Variants in TLE4 observed in about 807,000 individuals in gnomAD.
TLE4 encodes the protein transducin-like enhancer protein 4.
A neutral mutation model predicts 92.8 loss-of-function variants in TLE4; 8 were observed. The ratio of observed to expected loss-of-function variants is 0.09; its 90% CI spans 0.05 to 0.16. TLE4 has a LOEUF of 0.16. TLE4 is among the 10% of genes least tolerant of loss of function. TLE4 has a pLI of 1.00. For synonymous variants in TLE4, 371 were observed against 374.1 expected, an observed-to-expected ratio of 0.99 and a Z score of 0.10; for missense variants, 675 against 997.6, an observed-to-expected ratio of 0.68 and a Z score of 4.36.
At chr9:79,672,751 C>T (rs1477141365) in intron 8 of TLE4, among the ~76,000 whole-genome samples, 2 of 152,098 alleles carry the variant, frequency 1.3e-5, no homozygotes, top group Non-Finnish European at 1.5e-5. Flanking sequence ...TCACATTTCT[C>T]TGTTTATCAG....
intron 8 of TLE4, among the ~76,000 whole-genome samples, chr9:79,695,535 C>G (rs2068042392): frequency 6.6e-6 from 1 of 152,068 alleles, no homozygotes; most frequent in Non-Finnish European, 1.5e-5. Flanking sequence ...AGTTTTGTGC[C>G]CATTCATTTG....
At chr9:79,652,002 A>G (rs992819169) in intron 6 of TLE4, among the ~76,000 whole-genome samples, 1 of 152,218 alleles carries the variant, frequency 6.6e-6, no homozygotes, top group Non-Finnish European at 1.5e-5. Flanking sequence ...ATATGTTTGC[A>G]TATCAACTAT....
intron 8 of TLE4, among the ~76,000 whole-genome samples, chr9:79,683,434 A>C (rs1325995413): frequency 6.6e-6 from 1 of 152,172 alleles, no homozygotes; most frequent in Non-Finnish European, 1.5e-5. Flanking sequence ...TGTGGAGAGA[A>C]CCAGTTAAAG....
intron 6 of TLE4, among the ~76,000 whole-genome samples, chr9:79,641,961 T>A (rs1485849569): frequency 1.3e-5 from 2 of 151,798 alleles, no homozygotes; most frequent in African/African-American, 2.4e-5. Flanking sequence ...TTTTTTTTTT[T>A]AATTAAAAAA....
chr9:79,599,729 G>A (rs1002263673), intron 4 of TLE4, among the ~76,000 whole-genome samples: 1 of 152,154 alleles, frequency 6.6e-6, no homozygotes, highest in African/African-American at 2.4e-5. Flanking sequence ...TATAATACTT[G>A]TTAATAACAT....
intron 8 of TLE4, among the ~76,000 whole-genome samples, chr9:79,654,815 T>G (rs989444352): frequency 3.9e-5 from 6 of 152,132 alleles, no homozygotes; most frequent in Non-Finnish European, 7.4e-5. Flanking sequence ...GCATGAAAAT[T>G]AATGTGATCA....
chr9:79,591,163 A>G (rs2042445128), intron 4 of TLE4, among the ~76,000 whole-genome samples: 1 of 152,228 alleles, frequency 6.6e-6, no homozygotes, highest in South Asian at 2.1e-4. Context: ...TAAAAAATAT[A>G]AAGCAGTGCA....
chr9:79,710,034 A>G (rs2072836770), intron 14 of TLE4, among the ~76,000 whole-genome samples: 2 of 152,228 alleles, frequency 1.3e-5, no homozygotes, highest in Admixed American at 1.3e-4. Flanking sequence ...AAATTTGAAT[A>G]TGTTGGGAAA....
intron 14 of TLE4, among the ~76,000 whole-genome samples, chr9:79,709,982 T>G (rs1189903901): frequency 6.6e-6 from 1 of 152,246 alleles, no homozygotes; most frequent in Non-Finnish European, 1.5e-5. Context: ...GGCAATTCTT[T>G]GTTCCAAAAG....
intron 14 of TLE4, among the ~76,000 whole-genome samples, chr9:79,714,537 C>G (rs2074081313): frequency 6.6e-6 from 1 of 152,160 alleles, no homozygotes. Flanking sequence ...TTCCATCTTT[C>G]TCTTTACTCG....
intron 5 of TLE4, among the ~76,000 whole-genome samples, chr9:79,615,384 T>G (rs1223031241): frequency 6.6e-6 from 1 of 152,212 alleles, no homozygotes; most frequent in Non-Finnish European, 1.5e-5. Context: ...GAATTTATTT[T>G]AAAATGTTTT....
chr9:79,717,013 C>T (rs996011236), intron 14 of TLE4, among the ~76,000 whole-genome samples: 2 of 152,220 alleles, frequency 1.3e-5, no homozygotes, highest in Admixed American at 6.5e-5. Flanking sequence ...TAATAATCTA[C>T]TTCCATAACT....
chr9:79,683,630 C>T (rs989610346), intron 8 of TLE4, among the ~76,000 whole-genome samples: 2 of 152,072 alleles, frequency 1.3e-5, no homozygotes, highest in African/African-American at 4.8e-5. Flanking sequence ...TATATCTTGC[C>T]TTTTAATCCA....
intron 6 of TLE4, among the ~76,000 whole-genome samples, chr9:79,635,980 G>A (rs1366093407): frequency 2.0e-5 from 3 of 151,998 alleles, no homozygotes; most frequent in Non-Finnish European, 4.4e-5. Context: ...TTCTCTCAAG[G>A]TTGAGCGCAT....
intron 13 of TLE4, among the ~76,000 whole-genome samples, 160 bp from the exon 14 acceptor site, chr9:79,709,463 C>T (rs1254413024): frequency 3.3e-5 from 5 of 152,144 alleles, no homozygotes; most frequent in Non-Finnish European, 7.4e-5. Context: ...AAATCCTAAA[C>T]ATTGGTTATC....
chr9:79,627,911 G>A (rs900314052), intron 6 of TLE4, among the ~76,000 whole-genome samples: 1 of 151,888 alleles, frequency 6.6e-6, no homozygotes, highest in East Asian at 1.9e-4. Context: ...GCTCTTATGG[G>A]TTAGTGTCCA....
Position 79,704,879 on chromosome 9 carries a change from G to A in TLE4, c.706G>A (p.Glu236Lys). The A allele has an allele frequency of 6.2e-7, 1 of 1,614,140 alleles. No individual in the cohort carries two copies. The highest frequency in any genetic ancestry group is 8.5e-7 in the Non-Finnish European group (1 of 1,180,026). ...SSESKKQKTE[E>K]KEIAARYDSD... ...AGAGAGCAAAAAGCAGAAAACTGAA[G>A]AAAAGGAAATTGCAGCTCGTTATGT... Residue 236 changes from glutamate to lysine, a missense_variant, in exon 9 of 20, where the codon GAA (glutamate) becomes AAA (lysine). Glu to Lys is a moderately conservative substitution (Grantham distance 56). Coordinates refer to ENST00000376552, the MANE Select transcript of TLE4 (RefSeq NM_007005.6).
chr9:79,620,852 C>T (rs1319182696), intron 5 of TLE4, among the ~76,000 whole-genome samples: 2 of 152,016 alleles, frequency 1.3e-5, no homozygotes, highest in African/African-American at 4.8e-5. Context: ...TTTTTTTACT[C>T]ATGATGGAAG....
chr9:79,681,832 A>ATGTGTGTGTGTG (rs35005870), intron 8 of TLE4, among the ~76,000 whole-genome samples: 3 of 141,604 alleles, frequency 2.1e-5, no homozygotes, highest in Non-Finnish European at 3.1e-5. Flanking sequence ...GAGTGTGTGC[A>ATGTGTGTGTGTG]TGTGTGTGTG....
Sources: allele counts gnomAD v4.1 joint callset (sites outside exome capture counted in the v4.1 genomes callset), GRCh38; gene constraint gnomAD v4.1.1; transcripts MANE v1.5; gene names NCBI Gene and HGNC (gene_info 2026-07-23, HGNC 2026-07-21).